The following USH2A variants were observed in gnomAD, a reference collection of about 807,000 sequenced individuals.
The protein encoded by USH2A is usherin, also known as Usher syndrome 2A (autosomal recessive, mild).
In USH2A, 443 loss-of-function variants were observed where a neutral mutation model predicts 538.9. The observed-to-expected ratio is 0.82, with a 90% CI of 0.76 to 0.89. USH2A has a LOEUF of 0.89. Ranked by LOEUF, USH2A falls within the 40% of genes least tolerant of loss-of-function variation. USH2A has a pLI of 0.00. For missense variants in USH2A, 6,633 were observed against 6,324.8 expected, an observed-to-expected ratio of 1.05 and a Z score of -1.65; for synonymous variants, 2,413 against 2,273.5, an observed-to-expected ratio of 1.06 and a Z score of -1.75.
intron 13 of USH2A, among the ~76,000 whole-genome samples, chr1:216,232,358 T>G (rs143956647): frequency 6.6e-6 from 1 of 152,166 alleles, no homozygotes; most frequent in African/African-American, 2.4e-5. Context: ...TACAATTCAA[T>G]GTATTTAAAA....
At chr1:215,862,101 G>C (rs577188591) in intron 44 of USH2A, among the ~76,000 whole-genome samples, 1 of 152,190 alleles carries the variant, frequency 6.6e-6, no homozygotes, top group Non-Finnish European at 1.5e-5. Flanking sequence ...GCCTCCCAAA[G>C]TGCTGGGATT....
intron 20 of USH2A, among the ~76,000 whole-genome samples, chr1:216,178,143 T>G (rs532254522): frequency 6.6e-6 from 1 of 152,346 alleles, no homozygotes; most frequent in African/African-American, 2.4e-5. Flanking sequence ...CAATTCATTT[T>G]GGTTCTATTT....
At chr1:216,370,934 C>T (rs1444029861) in intron 3 of USH2A, among the ~76,000 whole-genome samples, 1 of 152,096 alleles carries the variant, frequency 6.6e-6, no homozygotes, top group Non-Finnish European at 1.5e-5. Flanking sequence ...TTACTTACTA[C>T]ATGCCCCTCA....
intron 3 of USH2A, among the ~76,000 whole-genome samples, chr1:216,384,110 C>T (rs183988913): frequency 6.6e-6 from 1 of 151,830 alleles, no homozygotes; most frequent in East Asian, 1.9e-4. Flanking sequence ...GATTTTCCTT[C>T]TCTGCCTATG....
At chr1:216,180,660 G>T (rs1182628878) in intron 20 of USH2A, among the ~76,000 whole-genome samples, 1 of 152,034 alleles carries the variant, frequency 6.6e-6, no homozygotes, top group African/African-American at 2.4e-5. Context: ...CTGTATGGCT[G>T]TGTCAATATC....
intron 55 of USH2A, among the ~76,000 whole-genome samples, chr1:215,771,689 T>C (rs906357493): frequency 6.8e-6 from 1 of 146,798 alleles, no homozygotes; most frequent in Non-Finnish European, 1.5e-5. Flanking sequence ...TGTAGTGAGA[T>C]ACTGAGTCAT....
intron 21 of USH2A, among the ~76,000 whole-genome samples, chr1:216,142,068 G>A (rs767864446): frequency 4.6e-5 from 7 of 152,022 alleles, no homozygotes; most frequent in Non-Finnish European, 1.0e-4. Context: ...CTTTGAACAA[G>A]TTTATTTCTT....
chr1:216,411,867 A>G (rs1174026034), intron 3 of USH2A, among the ~76,000 whole-genome samples: 1 of 152,122 alleles, frequency 6.6e-6, no homozygotes, highest in East Asian at 1.9e-4. Flanking sequence ...GTTTGTGATA[A>G]TTTTTTAGTA....
At chr1:215,777,806 G>A (rs1206978716) in intron 55 of USH2A, among the ~76,000 whole-genome samples, 1 of 152,208 alleles carries the variant, frequency 6.6e-6, no homozygotes, top group African/African-American at 2.4e-5. Flanking sequence ...GATACGCTGA[G>A]TAGGTTGGCT....
chr1:216,135,160 T>TCA lies in USH2A; in HGVS notation c.4628-37948_4628-37947insTG, dbSNP rs1457349170. Among the ~76,000 whole-genome samples the TCA allele has an allele frequency of 1.0e-3, 109 of 108,372 alleles. 2 individuals are homozygous for TCA. Among genetic ancestry groups the TCA allele is most frequent in the Middle Eastern group, 5.0e-3 (1 of 202 alleles). The allele number at this position is 108,372 out of a possible 152,430, so 71.1% of individuals were successfully genotyped here. A position where few individuals can be genotyped will look rare whatever the true frequency, so the allele number is the denominator to read the frequency against. ...CTCTCTCTCTCTCTCTCTCTCTCTC[T>TCA]CTCTCTCACACACACACATACACAC... On this transcript the variant is annotated intron_variant, in intron 21 of 71. Coordinates refer to ENST00000307340, the MANE Select transcript of USH2A (RefSeq NM_206933.4).
rs145069345 is a variant in USH2A, at chr1:215,733,792, C to T, written c.11712-5408G>A. 1.2e-4 allele frequency among the ~76,000 whole-genome samples: 19 copies of T among 152,360 alleles called. No homozygotes were observed. The East Asian group carries it at 3.7e-3, about 29-fold the overall frequency. On this transcript the variant is annotated intron_variant, in intron 60 of 71. Transcript: ENST00000307340. ...ATTAACTCCATGTCCCACTCCAGGG[C>T]ACACTGCTGCAAGCACTGACTCCTA...
chr1:216,265,463 A>C (rs1340935535), intron 11 of USH2A, among the ~76,000 whole-genome samples: 6 of 152,102 alleles, frequency 3.9e-5, no homozygotes, highest in Admixed American at 2.6e-4. Context: ...TAAAAAGAGA[A>C]CTACCATATG....
Position 215,782,941 on chromosome 1 carries a change from AAGAGAAAAAAT to A in USH2A, c.10388-17_10388-7del, listed in dbSNP as rs1442627890. On this transcript the variant is annotated splice_region_variant and splice_polypyrimidine_tract_variant and intron_variant, in intron 52 of 71. Coordinates refer to ENST00000307340, the MANE Select transcript of USH2A (RefSeq NM_206933.4). ...GTAGGGCTTGAGGTTCACATCTGGA[AAGAGAAAAAAT>A]AGACAGGGAAGTTTCTCTTATTTTC... 21 of 1,612,174 alleles carry A rather than the reference AAGAGAAAAAAT, an allele frequency of 1.3e-5. No homozygotes were observed. Among genetic ancestry groups the A allele is most frequent in the Non-Finnish European group, 1.8e-5 (21 of 1,179,056 alleles).
chr1:216,231,895 A>T, intron 14 of USH2A, 58 bp downstream of exon 14: 1 of 1,610,168 alleles, frequency 6.2e-7, no homozygotes, highest in East Asian at 2.2e-5. Context: ...GCAACTGCCA[A>T]AAAAAGTTAA....
intron 21 of USH2A, among the ~76,000 whole-genome samples, chr1:216,138,078 T>C (rs761029891): frequency 2.6e-5 from 4 of 152,168 alleles, no homozygotes; most frequent in African/African-American, 4.8e-5. Context: ...TTATGAGATA[T>C]GGAGAATGAT....
At chr1:215,820,749 AC>A (rs1476854539) in intron 47 of USH2A, among the ~76,000 whole-genome samples, 1 of 151,522 alleles carries the variant, frequency 6.6e-6, no homozygotes, top group Non-Finnish European at 1.5e-5. Flanking sequence ...TCTCCCCATG[AC>A]CCTCTCAGGC....
intron 9 of USH2A, among the ~76,000 whole-genome samples, chr1:216,301,782 A>C (rs1208736570): frequency 6.6e-6 from 1 of 152,218 alleles, no homozygotes; most frequent in East Asian, 1.9e-4. Context: ...AACTATTCCC[A>C]GATGGCCTGA....
intron 22 of USH2A, among the ~76,000 whole-genome samples, chr1:216,093,388 A>G (rs1321224846): frequency 6.6e-6 from 1 of 152,192 alleles, no homozygotes; most frequent in Non-Finnish European, 1.5e-5. Flanking sequence ...ACTCTAAGCA[A>G]TTGTGTGAAT....
chr1:215,862,813 G>A (rs1047680633), intron 44 of USH2A, among the ~76,000 whole-genome samples: 2 of 152,120 alleles, frequency 1.3e-5, no homozygotes, highest in Non-Finnish European at 2.9e-5. Flanking sequence ...TAGAAAACTG[G>A]AACTCAGGTT....
Sources: gnomAD v4.1 joint callset for allele counts (sites outside exome capture counted in the v4.1 genomes callset) on GRCh38, gnomAD v4.1.1 for gene constraint, MANE v1.5 for transcripts, NCBI Gene and HGNC (gene_info 2026-07-23, HGNC 2026-07-21) for gene names.